The following PIK3C2B variants were observed in gnomAD, a reference collection of about 807,000 sequenced individuals.
PIK3C2B encodes phosphatidylinositol 4-phosphate 3-kinase C2 domain-containing subunit beta.
A neutral mutation model predicts 184.3 loss-of-function variants in PIK3C2B; 83 were observed. The observed-to-expected ratio is 0.45, with a 90% CI of 0.38 to 0.54. The LOEUF (loss-of-function observed/expected upper bound fraction) is 0.54, where lower values mean the gene tolerates loss of function less well. PIK3C2B is among the 20% of genes least tolerant of loss of function. The probability of loss-of-function intolerance (pLI) is 0.00; values close to 1 mark genes in which losing one functional copy is unlikely to be tolerated. For synonymous variants in PIK3C2B, 779 were observed against 837.6 expected (o/e 0.93, Z 1.21); for missense variants, 1,736 against 2,113.5 (o/e 0.82, Z 3.50).
chr1:204,467,134 G>C (rs1655874771), intron 2 of PIK3C2B: 1 of 353,418 alleles, frequency 2.8e-6, no homozygotes, highest in South Asian at 2.1e-5. Context: ...ATGACATGCA[G>C]GGGATGGGGA....
chr1:204,451,132 C>T (rs1350952993), intron 12 of PIK3C2B, among the ~76,000 whole-genome samples: 1 of 152,250 alleles, frequency 6.6e-6, no homozygotes, highest in African/African-American at 2.4e-5. Flanking sequence ...GCCCCTCCAG[C>T]AGCCAGCAGA....
chr1:204,434,269 C>T (rs1288626568), intron 24 of PIK3C2B, among the ~76,000 whole-genome samples, 170 bp downstream of exon 24: 1 of 152,244 alleles, frequency 6.6e-6, no homozygotes, highest in Non-Finnish European at 1.5e-5. Flanking sequence ...CTGCAAGGCC[C>T]TGCAAGGACT....
chr1:204,449,434 A>G, intron 13 of PIK3C2B, 138 bp from the exon 14 acceptor site: 2 of 673,920 alleles, frequency 3.0e-6, no homozygotes, highest in Middle Eastern at 2.7e-4. Context: ...CGTGGACCAT[A>G]GCCTCTTCCT....
At position 204,447,474 on chromosome 1, in the gene PIK3C2B, G is replaced by T. The variant is rs750064125; in HGVS notation, c.2451C>A (p.Arg817=). Residue 817 remains arginine (R), a synonymous_variant, in exon 15 of 33, where the codon CGC becomes CGA. Transcript: ENST00000684373. The surrounding 1 kb of genome is among the most constrained non-coding windows in gnomAD (Gnocchi z 4.1). ...CTTTCTGCATGATGTCTTTAAGCTT[G>T]CGCTGGTCTTCTTCCCGGAGGCTGC... is the stretch of plus-strand genomic sequence containing the variant. ...EFGSLREEDQ[R]KLKDIMQKES... The T allele has an allele frequency of 6.2e-7, 1 of 1,613,860 alleles. No individual in the cohort carries two copies. The highest frequency in any genetic ancestry group is 8.5e-7 in the Non-Finnish European group (1 of 1,179,922).
rs748551249 is a variant in PIK3C2B at position 204,431,763 on chromosome 1, T to C, written c.4186A>G (p.Thr1396Ala). ...IYVVKVMREN[T>A]HEATYIQRTF... is the part of the protein sequence containing the mutation. ...CGCTGGATGTAGGTGGCCTCGTGAG[T>C]GTTCTCTCGCATCACCTTTACCACA... The change falls in exon 28 of 33, where the codon ACT becomes GCT. Residue 1396 changes from threonine (T) to alanine (A), a missense_variant. By Grantham distance (58) the Thr-to-Ala change is moderately conservative. This residue lies in a region of PIK3C2B where 200 missense variants were observed against 199.1 expected (regional missense o/e 1.00). Transcript: ENST00000684373. 40 of 1,613,976 alleles carry C rather than the reference T, an allele frequency of 2.5e-5. No homozygotes were observed. Among genetic ancestry groups the C allele is most frequent in the Non-Finnish European group, 3.2e-5 (38 of 1,180,018 alleles).
Position 204,440,305 on chromosome 1 carries a change from C to G in PIK3C2B, c.3266G>C (p.Arg1089Pro), listed in dbSNP as rs1377251877. 3 of 1,599,200 alleles carry G rather than the reference C, an allele frequency of 1.9e-6. No individual in the cohort carries two copies. The highest frequency in any genetic ancestry group is 2.6e-6 in the Non-Finnish European group (3 of 1,172,088). ...CATCTGCAGCGTTAGCATGTCCTGGCGAAGGTCGTCCCCACACTGGATGGA... is the reference window on the plus strand; with the variant it reads ...CATCTGCAGCGTTAGCATGTCCTGGGGAAGGTCGTCCCCACACTGGATGGA... ...RVIFKCGDDL[R>P]QDMLTLQMIR... The change falls in exon 22 of 33, where the codon CGC (arginine) becomes CCC (proline). Residue 1089 changes from arginine (R) to proline (P), a missense_variant. By Grantham distance (103) the Arg-to-Pro change is moderately radical. Around this residue, in one of 8 missense-constraint regions of PIK3C2B, gnomAD observed 289 missense variants for 380.4 expected, o/e 0.76. Transcript: ENST00000684373.
At chr1:204,471,643 C>T (rs1292676609) in intron 1 of PIK3C2B, among the ~76,000 whole-genome samples, 1 of 112,716 alleles carries the variant, frequency 8.9e-6, no homozygotes, top group African/African-American at 3.5e-5. Flanking sequence ...GATGGCTTCA[C>T]TGGTATTCTC....
intron 1 of PIK3C2B, among the ~76,000 whole-genome samples, chr1:204,489,275 C>T (rs1657845298): frequency 6.6e-6 from 1 of 152,102 alleles, no homozygotes; most frequent in South Asian, 2.1e-4. Flanking sequence ...TCAAAAGATC[C>T]TCCCACTTCA....
chr1:204,463,964 A>G (rs1355617038), intron 5 of PIK3C2B, 48 bp downstream of exon 5: 3 of 1,596,362 alleles, frequency 1.9e-6, no homozygotes, highest in East Asian at 2.2e-5. Context: ...GCCCCCTCAC[A>G]ATCTTACTAC....
Position 204,432,196 on chromosome 1 carries a change from T to C in PIK3C2B, c.4155+4A>G, listed in dbSNP as rs779658050. 1 of 1,612,998 alleles carries C rather than the reference T, an allele frequency of 6.2e-7. No individual in the cohort carries two copies. The highest frequency in any genetic ancestry group is 1.7e-5 in the Admixed American group (1 of 60,010). ...AAGGGGGTCAGATTGGAGAAAACAC[T>C]TACATAGCCTTTGTTGGGGTGGAAG... On this transcript the variant is annotated splice_donor_region_variant and intron_variant, in intron 27 of 32. Transcript: ENST00000684373.
Position 204,443,512 on chromosome 1 carries a change from C to T in PIK3C2B, c.2953G>A (p.Gly985Arg). 6 of 1,614,246 alleles carry T rather than the reference C, an allele frequency of 3.7e-6. No homozygotes were observed. Among genetic ancestry groups the T allele is most frequent in the Non-Finnish European group, 5.1e-6 (6 of 1,180,048 alleles). ...TGGCGGTTAAACTCTTCTCTCAGCCCCTTGCCACAGCAGCACAGTAAGGCT... is the reference window on the plus strand; with the variant it reads ...TGGCGGTTAAACTCTTCTCTCAGCCTCTTGCCACAGCAGCACAGTAAGGCT... ...LAALLCCCGK[G>R]LREEFNRQCW... is the part of the protein sequence containing the mutation. The change falls in exon 19 of 33, where the codon GGG becomes AGG. Residue 985 changes from glycine to arginine, a missense_variant. By Grantham distance (125) the Gly-to-Arg change is moderately radical. This residue lies in a region of PIK3C2B where 289 missense variants were observed against 380.4 expected (regional missense o/e 0.76). Transcript: ENST00000684373.
intron 14 of PIK3C2B, among the ~76,000 whole-genome samples, chr1:204,448,183 G>A (rs1322904431): frequency 1.3e-5 from 2 of 151,600 alleles, no homozygotes; most frequent in African/African-American, 4.9e-5. Flanking sequence ...GTGTGATCTC[G>A]GCTCAGTGCA....
chr1:204,444,997 T>C (rs903244064), intron 16 of PIK3C2B, among the ~76,000 whole-genome samples: 2 of 152,094 alleles, frequency 1.3e-5, no homozygotes, highest in African/African-American at 2.4e-5. Flanking sequence ...AAATCCTGGG[T>C]ACCATCTAGA....
At position 204,425,633 on chromosome 1, in the gene PIK3C2B, T is replaced by C; in HGVS notation, c.4696A>G (p.Asn1566Asp). ...RKTKVARKTC[N>D]PTYNEMLVYD... ...CCCACCATCTCATTGTAGGTAGGAT[T>C]GCAGGTTTTCCGGGCCACTTTGGTT... The change falls in exon 32 of 33, where the codon AAT becomes GAT. Residue 1566 changes from asparagine (N) to aspartate (D), a missense_variant. Coordinates refer to ENST00000684373, the MANE Select transcript of PIK3C2B (RefSeq NM_001377334.1). 1 of 1,614,130 alleles carries C rather than the reference T, an allele frequency of 6.2e-7. No homozygotes were observed. The highest frequency in any genetic ancestry group is 8.5e-7 in the Non-Finnish European group (1 of 1,180,012).
chr1:204,490,180 G>T, intron 1 of PIK3C2B: 1 of 372,526 alleles, frequency 2.7e-6, no homozygotes, highest in African/African-American at 2.1e-5. Context: ...TCTGCTAGGT[G>T]AGACTTCCTA....
chr1:204,457,004 C>T (rs747643925), intron 10 of PIK3C2B, 33 bp downstream of exon 10: 5 of 1,554,802 alleles, frequency 3.2e-6, no homozygotes, highest in East Asian at 2.4e-5. Flanking sequence ...TTCGGCAGCC[C>T]GACTGGATGA....
chr1:204,440,115 G>C, intron 22 of PIK3C2B, 77 bp downstream of exon 22: 1 of 1,447,708 alleles, frequency 6.9e-7, no homozygotes, highest in Non-Finnish European at 9.4e-7. Flanking sequence ...GGAGGACACA[G>C]TTTGTGTTGG....
chr1:204,429,797 G>T, intron 29 of PIK3C2B, 124 bp downstream of exon 29: 1 of 688,682 alleles, frequency 1.5e-6, no homozygotes, highest in Non-Finnish European at 2.6e-6. Context: ...TGGTCATTCA[G>T]CCCACAGACC....
rs1440507955 is a variant in PIK3C2B, at chr1:204,456,049, T to C, written c.1750A>G (p.Lys584Glu). ...GCAGCGGTCAGGGCTTCCACGACCT[T>C]CTCTGGGAAGGGAAGGGGTCAGAAG... ...SVLAVRENRE[K>E]VVEALTAAIL... The change falls in exon 11 of 33, where the codon AAG becomes GAG. Residue 584 changes from lysine (K) to glutamate (E), a missense_variant and splice_region_variant. Around this residue, in one of 8 missense-constraint regions of PIK3C2B, gnomAD observed 609 missense variants for 699.2 expected, o/e 0.87. Coordinates refer to ENST00000684373, the MANE Select transcript of PIK3C2B (RefSeq NM_001377334.1). The C allele has an allele frequency of 6.2e-7, 1 of 1,611,938 alleles. No individual in the cohort carries two copies. The highest frequency in any genetic ancestry group is 1.1e-5 in the South Asian group (1 of 90,874).
Sources: gnomAD v4.1 joint callset for allele counts (sites outside exome capture counted in the v4.1 genomes callset) on GRCh38, gnomAD v4.1.1 for gene constraint, gnomAD v4.1.1 regional missense constraint, Gnocchi (gnomAD v3.1) non-coding constraint, MANE v1.5 for transcripts, NCBI Gene and HGNC (gene_info 2026-07-23, HGNC 2026-07-21) for gene names.